Variants in NRG3 observed in about 807,000 individuals in gnomAD.
The protein encoded by NRG3 is pro-neuregulin-3, membrane-bound isoform.
A neutral mutation model predicts 66.9 loss-of-function variants in NRG3; 31 were observed. The observed-to-expected ratio is 0.46, with a 90% CI of 0.35 to 0.63. The LOEUF (loss-of-function observed/expected upper bound fraction) is 0.63, where lower values mean the gene tolerates loss of function less well. NRG3 is among the 20% of genes least tolerant of loss of function. The pLI, the probability that NRG3 is intolerant of heterozygous loss-of-function variation, is 0.00. For missense variants in NRG3, 910 were observed against 878.9 expected (o/e 1.04, Z -0.45); for synonymous variants, 393 against 359.4 (o/e 1.09, Z -1.06).
intron 2 of NRG3, among the ~76,000 whole-genome samples, chr10:82,700,514 C>A (rs980115518): frequency 1.3e-5 from 2 of 152,084 alleles, no homozygotes; most frequent in Non-Finnish European, 2.9e-5. Context: ...TTTGACAGAG[C>A]CTGTTGAGAA....
At chr10:82,308,719 G>A (rs1196070806) in intron 1 of NRG3, among the ~76,000 whole-genome samples, 1 of 152,092 alleles carries the variant, frequency 6.6e-6, no homozygotes, top group Non-Finnish European at 1.5e-5. Flanking sequence ...TTTCCTGAAT[G>A]TTCCACTTGC....
intron 1 of NRG3, among the ~76,000 whole-genome samples, chr10:82,218,697 C>G (rs994635568): frequency 6.6e-6 from 1 of 152,164 alleles, no homozygotes; most frequent in Non-Finnish European, 1.5e-5. Flanking sequence ...TCTTCTGTCT[C>G]TGCTTTTCCT....
At chr10:82,682,039 T>C (rs2054142231) in intron 2 of NRG3, among the ~76,000 whole-genome samples, 1 of 152,230 alleles carries the variant, frequency 6.6e-6, no homozygotes, top group Non-Finnish European at 1.5e-5. Flanking sequence ...AAGGCACTGA[T>C]AGCTCTCAAG....
intron 3 of NRG3, among the ~76,000 whole-genome samples, chr10:82,811,291 C>T (rs541857926): frequency 6.0e-4 from 92 of 152,330 alleles, no homozygotes; most frequent in African/African-American, 2.2e-3. Context: ...TGTTTGTTCA[C>T]TGCCATATCA....
intron 1 of NRG3, among the ~76,000 whole-genome samples, chr10:82,032,260 A>G (rs1327036094): frequency 6.6e-6 from 1 of 152,084 alleles, no homozygotes; most frequent in African/African-American, 2.4e-5. Flanking sequence ...ATTCTCCCTA[A>G]GAAAGCTAGC....
At chr10:82,125,684 C>T (rs1007215195) in intron 1 of NRG3, among the ~76,000 whole-genome samples, 4 of 151,970 alleles carry the variant, frequency 2.6e-5, no homozygotes, top group Non-Finnish European at 5.9e-5. Context: ...AAATATTGAA[C>T]TCATATGAGG....
At chr10:82,338,396 A>G (rs78515890) in intron 1 of NRG3, among the ~76,000 whole-genome samples, 5,690 of 152,264 alleles carry the variant, frequency 0.037, 165 homozygotes, top group African/African-American at 0.085. Context: ...TTATGAGTAT[A>G]TTAGCCACCT....
intron 3 of NRG3, among the ~76,000 whole-genome samples, chr10:82,812,468 T>TC (rs1399772865): frequency 1.3e-5 from 2 of 152,260 alleles, no homozygotes; most frequent in Non-Finnish European, 2.9e-5. Context: ...TAAGCCTAGT[T>TC]ATTTTTCATT....
At chr10:82,719,426 G>A (rs999397837) in intron 2 of NRG3, among the ~76,000 whole-genome samples, 4 of 152,198 alleles carry the variant, frequency 2.6e-5, no homozygotes, top group Non-Finnish European at 4.4e-5. Context: ...CAGCTGATCT[G>A]TAAACCTGTG....
chr10:82,431,116 T>C (rs1373472519), intron 2 of NRG3, among the ~76,000 whole-genome samples: 1 of 152,140 alleles, frequency 6.6e-6, no homozygotes, highest in East Asian at 1.9e-4. Flanking sequence ...CAGAAAGCTA[T>C]GAAAAACAAT....
intron 3 of NRG3, among the ~76,000 whole-genome samples, chr10:82,803,710 A>T (rs1037913411): frequency 1.3e-5 from 2 of 151,850 alleles, no homozygotes; most frequent in Admixed American, 1.3e-4. Context: ...CATGCCCATG[A>T]TGAAGCGTAA....
rs193266328 is a variant in NRG3 at position 82,876,894 on chromosome 10, A to T, written c.1054+11457A>T. ...CAAAATTAGCCAGGTGTGGTGGTGCATGCCTGTAATCCCAGCTACTTGGGA... is the reference window on the plus strand; with the variant it reads ...CAAAATTAGCCAGGTGTGGTGGTGCTTGCCTGTAATCCCAGCTACTTGGGA... On this transcript the variant is annotated intron_variant, in intron 4 of 8. Coordinates refer to ENST00000372141, the MANE Select transcript of NRG3 (RefSeq NM_001010848.4). Among the ~76,000 whole-genome samples the T allele has an allele frequency of 2.6e-3, 394 of 152,032 alleles. 2 individuals carry two copies. Among genetic ancestry groups the T allele is most frequent in the African/African-American group, 8.7e-3 (362 of 41,504 alleles).
chr10:82,123,870 GT>G (rs1035567922), intron 1 of NRG3, among the ~76,000 whole-genome samples: 2 of 150,018 alleles, frequency 1.3e-5, no homozygotes, highest in African/African-American at 4.8e-5. Context: ...ATTGGCATTA[GT>G]TTCTTCCTTG....
At chr10:81,899,587 A>C (rs550380880) in intron 1 of NRG3, among the ~76,000 whole-genome samples, 1 of 152,304 alleles carries the variant, frequency 6.6e-6, no homozygotes, top group Admixed American at 6.5e-5. Context: ...ATTAAAAGAG[A>C]GAAAGCTCCT....
chr10:82,811,576 C>A (rs552501855), intron 3 of NRG3, among the ~76,000 whole-genome samples: 1 of 152,164 alleles, frequency 6.6e-6, no homozygotes, highest in Non-Finnish European at 1.5e-5. Context: ...CAGTAGGAAC[C>A]ATTGGGAATA....
At chr10:82,920,472 A>G (rs520775) in intron 4 of NRG3, among the ~76,000 whole-genome samples, 10,689 of 152,216 alleles carry the variant, frequency 0.07, 393 homozygotes, top group East Asian at 0.087. Flanking sequence ...ACATTTATAG[A>G]TATGCATATA....
intron 1 of NRG3, among the ~76,000 whole-genome samples, chr10:82,296,462 G>A (rs1237631030): frequency 1.3e-5 from 2 of 152,132 alleles, no homozygotes; most frequent in East Asian, 1.9e-4. Flanking sequence ...TGGTGGTGGA[G>A]GAAAGCAGGT....
At chr10:81,989,469 G>A (rs1444885660) in intron 1 of NRG3, among the ~76,000 whole-genome samples, 6 of 152,144 alleles carry the variant, frequency 3.9e-5, no homozygotes, top group Admixed American at 3.9e-4. Context: ...AAAAGTGACT[G>A]TGATGCAGAG....
At chr10:82,379,922 A>G (rs932273732) in intron 2 of NRG3, among the ~76,000 whole-genome samples, 3 of 151,436 alleles carry the variant, frequency 2.0e-5, no homozygotes, top group Non-Finnish European at 2.9e-5. Flanking sequence ...AAAAAAAAAA[A>G]AAAGAAAAAA....
Sources: gnomAD v4.1 joint callset for allele counts (sites outside exome capture counted in the v4.1 genomes callset) on GRCh38, gnomAD v4.1.1 for gene constraint, MANE v1.5 for transcripts, NCBI Gene and HGNC (gene_info 2026-07-23, HGNC 2026-07-21) for gene names.